RBFOX1: variants seen among roughly 807,000 people sequenced by gnomAD.
RBFOX1 encodes RNA binding protein fox-1 homolog 1.
In RBFOX1, 8 loss-of-function variants were observed where a neutral mutation model predicts 57.7. The observed-to-expected ratio is 0.14, with a 90% CI of 0.08 to 0.25. The LOEUF (loss-of-function observed/expected upper bound fraction) is 0.25. Ranked by LOEUF, RBFOX1 falls within the 10% of genes least tolerant of loss-of-function variation. The probability of loss-of-function intolerance (pLI) is 1.00; values close to 1 mark genes in which losing one functional copy is unlikely to be tolerated. For missense variants in RBFOX1, 611 were observed against 548.5 expected (o/e 1.11, Z -1.14); for synonymous variants, 326 against 222.4 (o/e 1.47, Z -4.15).
chr16:6,860,053 A>G (rs1603633373), intron 3 of RBFOX1, among the ~76,000 whole-genome samples: 1 of 152,208 alleles, frequency 6.6e-6, no homozygotes, highest in Non-Finnish European at 1.5e-5. Flanking sequence ...GAGCTATAAT[A>G]CCGAGGTAAG....
intron 3 of RBFOX1, among the ~76,000 whole-genome samples, chr16:6,694,820 A>G (rs949917211): frequency 6.6e-6 from 1 of 152,124 alleles, no homozygotes; most frequent in Non-Finnish European, 1.5e-5. Context: ...GTGACGGAAC[A>G]CAGTGATTGG....
At chr16:6,327,459 A>C (rs1213733051) in intron 2 of RBFOX1, among the ~76,000 whole-genome samples, 1 of 151,766 alleles carries the variant, frequency 6.6e-6, no homozygotes, top group Non-Finnish European at 1.5e-5. Flanking sequence ...CTTTGGATAT[A>C]TTTTTCTAAC....
intron 4 of RBFOX1, among the ~76,000 whole-genome samples, chr16:7,420,258 G>C (rs953152041): frequency 6.6e-6 from 1 of 152,072 alleles, no homozygotes; most frequent in South Asian, 2.1e-4. Flanking sequence ...ATAGCCTCTC[G>C]TCCTATTAGA....
At chr16:5,492,445 G>A (rs976032560) in intron 2 of RBFOX1, among the ~76,000 whole-genome samples, 6 of 152,122 alleles carry the variant, frequency 3.9e-5, no homozygotes, top group East Asian at 1.9e-4. Context: ...ATCACAAACC[G>A]CGATGAGTGC....
At chr16:7,710,230 T>A (rs564337177) in intron 15 of RBFOX1, 2 of 1,053,966 alleles carry the variant, frequency 1.9e-6, no homozygotes, top group Admixed American at 1.1e-4. Context: ...ATTCAACAAC[T>A]CTGCTTCAAC....
chr16:7,317,475 C>T (rs2096465588), intron 4 of RBFOX1, among the ~76,000 whole-genome samples: 1 of 152,164 alleles, frequency 6.6e-6, no homozygotes, highest in Non-Finnish European at 1.5e-5. Flanking sequence ...ATCACCACCA[C>T]TATCACCATC....
intron 4 of RBFOX1, among the ~76,000 whole-genome samples, chr16:5,906,727 CTTTTTTTT>C (rs57589514): frequency 8.4e-5 from 6 of 71,482 alleles, no homozygotes; most frequent in African/African-American, 1.1e-4. Flanking sequence ...ATCCTAGATT[CTTTTTTTT>C]TTTTTTTTTT....
At chr16:6,573,180 A>T (rs562724894) in intron 2 of RBFOX1, among the ~76,000 whole-genome samples, 1 of 152,120 alleles carries the variant, frequency 6.6e-6, no homozygotes, top group South Asian at 2.1e-4. Flanking sequence ...CATCATTTCT[A>T]TGTGAAGGGA....
chr16:6,900,182 C>T (rs574846552), intron 3 of RBFOX1, among the ~76,000 whole-genome samples: 7 of 152,038 alleles, frequency 4.6e-5, no homozygotes, highest in Non-Finnish European at 8.8e-5. Flanking sequence ...TTATGCTGAG[C>T]CTGTGTGGTG....
intron 1 of RBFOX1, among the ~76,000 whole-genome samples, chr16:5,339,316 T>C (rs4238857): frequency 0.67 from 102,025 of 151,750 alleles, 39,676 homozygotes; most frequent in Non-Finnish European, 0.85. Context: ...TGTACTGTTA[T>C]AGTAACATGC....
chr16:6,387,645 G>C (rs1054025955), intron 2 of RBFOX1, among the ~76,000 whole-genome samples: 1 of 152,162 alleles, frequency 6.6e-6, no homozygotes, highest in African/African-American at 2.4e-5. Context: ...GCTGTTTTAG[G>C]CTACCTAATT....
At chr16:5,775,685 A>G (rs1351786491) in intron 3 of RBFOX1, among the ~76,000 whole-genome samples, 1 of 152,184 alleles carries the variant, frequency 6.6e-6, no homozygotes, top group Non-Finnish European at 1.5e-5. Context: ...AAAGGACTGA[A>G]AACCATGGGT....
intron 10 of RBFOX1, among the ~76,000 whole-genome samples, chr16:7,617,629 G>A (rs1001364039): frequency 2.6e-5 from 4 of 152,150 alleles, no homozygotes; most frequent in Admixed American, 6.5e-5. Context: ...GAGACAGACC[G>A]TGTATTAACA....
intron 4 of RBFOX1, among the ~76,000 whole-genome samples, chr16:7,501,636 A>C (rs2070900747): frequency 6.6e-6 from 1 of 152,172 alleles, no homozygotes; most frequent in South Asian, 2.1e-4. Context: ...TGCCACTCAG[A>C]CTATCAGATA....
intron 4 of RBFOX1, among the ~76,000 whole-genome samples, chr16:5,950,633 A>G (rs2059500456): frequency 6.6e-6 from 1 of 152,176 alleles, no homozygotes; most frequent in Non-Finnish European, 1.5e-5. Context: ...AGCGAGTGGA[A>G]ACCTTTCGGT....
At chr16:7,416,727 T>C (rs1470723326) in intron 4 of RBFOX1, among the ~76,000 whole-genome samples, 2 of 146,890 alleles carry the variant, frequency 1.4e-5, no homozygotes, top group Non-Finnish European at 2.9e-5. Context: ...ACTTTAGGGA[T>C]GTTTTTTTTT....
At chr16:6,854,436 G>A (rs2142106480) in intron 3 of RBFOX1, among the ~76,000 whole-genome samples, 1 of 152,108 alleles carries the variant, frequency 6.6e-6, no homozygotes, top group East Asian at 1.9e-4. Context: ...AAGCTAAATT[G>A]ATGGAAATTC....
At chr16:7,702,722 C>T (rs370186507) in intron 14 of RBFOX1, among the ~76,000 whole-genome samples, 5 of 152,178 alleles carry the variant, frequency 3.3e-5, no homozygotes, top group African/African-American at 1.2e-4. Flanking sequence ...TTTGTCCAAA[C>T]ACAGAACACT....
intron 4 of RBFOX1, among the ~76,000 whole-genome samples, chr16:5,908,197 C>CATATATACACACATATATATACAT (rs71404562): frequency 9.0e-6 from 1 of 110,514 alleles, no homozygotes; most frequent in Non-Finnish European, 1.9e-5. Context: ...CACATATATA[C>CATATATACACACATATATATACAT]ATATACACAC....
Sources: gnomAD v4.1 joint callset for allele counts (sites outside exome capture counted in the v4.1 genomes callset) on GRCh38, gnomAD v4.1.1 for gene constraint, MANE v1.5 for transcripts, NCBI Gene and HGNC (gene_info 2026-07-23, HGNC 2026-07-21) for gene names.